TRPM3: variants seen among roughly 807,000 people sequenced by gnomAD.
TRPM3 encodes long transient receptor potential channel 3.
In TRPM3, 77 loss-of-function variants were observed where a neutral mutation model predicts 181.2. That is an observed-to-expected ratio of 0.42 (90% CI 0.35 to 0.51). The LOEUF (loss-of-function observed/expected upper bound fraction) is 0.51, where lower values mean the gene tolerates loss of function less well. Among genes scored for constraint, TRPM3 ranks in the 20% least tolerant of loss-of-function variants. The probability of loss-of-function intolerance (pLI) is 0.01; values close to 1 mark genes in which losing one functional copy is unlikely to be tolerated. For synonymous variants in TRPM3, 745 were observed against 796.4 expected (o/e 0.94, Z 1.09); for missense variants, 1,759 against 2,196.7 (o/e 0.80, Z 3.98).
intron 1 of TRPM3, among the ~76,000 whole-genome samples, chr9:71,421,373 T>TA (rs1042851999): frequency 2.7e-4 from 40 of 150,256 alleles, no homozygotes; most frequent in African/African-American, 7.1e-4. Flanking sequence ...AGTTGAAATT[T>TA]AAAAAAAAAG....
chr9:71,239,243 G>T (rs2081532201), intron 1 of TRPM3, among the ~76,000 whole-genome samples: 1 of 152,110 alleles, frequency 6.6e-6, no homozygotes, highest in African/African-American at 2.4e-5. Context: ...AATTTTTGCT[G>T]TGTTTTGAAA....
intron 1 of TRPM3, among the ~76,000 whole-genome samples, chr9:71,355,622 T>C (rs1440814574): frequency 6.6e-6 from 1 of 152,062 alleles, no homozygotes; most frequent in Non-Finnish European, 1.5e-5. Context: ...AGAGTCCCCC[T>C]GTGGTTATTT....
At chr9:71,259,654 CT>C (rs546209652) in intron 1 of TRPM3, among the ~76,000 whole-genome samples, 58 of 150,740 alleles carry the variant, frequency 3.8e-4, no homozygotes, top group African/African-American at 1.0e-3. Flanking sequence ...GATGATGAGC[CT>C]TTTTTTTTGC....
At chr9:71,003,962 A>T (rs1485268759) in intron 1 of TRPM3, among the ~76,000 whole-genome samples, 2 of 152,060 alleles carry the variant, frequency 1.3e-5, no homozygotes, top group Admixed American at 6.6e-5. Flanking sequence ...ATTTCCTTAG[A>T]CCCATGGTTT....
intron 19 of TRPM3, among the ~76,000 whole-genome samples, chr9:70,610,135 CTG>C (rs34939394): frequency 0.019 from 2,835 of 152,204 alleles, 89 homozygotes; most frequent in African/African-American, 0.064. Flanking sequence ...CACTAGCAGA[CTG>C]TGAGTAGTTA....
intron 1 of TRPM3, among the ~76,000 whole-genome samples, chr9:71,310,355 A>T (rs1297545661): frequency 6.6e-6 from 1 of 152,140 alleles, no homozygotes; most frequent in Non-Finnish European, 1.5e-5. Flanking sequence ...ATGAAGGGTG[A>T]TTTAATTACA....
At chr9:71,257,936 G>A (rs1307529350) in intron 1 of TRPM3, among the ~76,000 whole-genome samples, 2 of 152,110 alleles carry the variant, frequency 1.3e-5, no homozygotes, top group Non-Finnish European at 2.9e-5. Flanking sequence ...GGGAACGGAG[G>A]TATTTGGTCA....
At chr9:71,012,870 T>C (rs2097757021) in intron 1 of TRPM3, among the ~76,000 whole-genome samples, 1 of 152,144 alleles carries the variant, frequency 6.6e-6, no homozygotes, top group Non-Finnish European at 1.5e-5. Context: ...ATTTCTTTAG[T>C]ACATTTGCTC....
At chr9:70,849,146 TTTTG>T (rs1255314560) in intron 3 of TRPM3, among the ~76,000 whole-genome samples, 1 of 152,076 alleles carries the variant, frequency 6.6e-6, no homozygotes, top group Admixed American at 6.6e-5. Context: ...TTGTTATTGT[TTTTG>T]TTTGTTTGTT....
At chr9:70,815,625 C>A (rs530030787) in intron 6 of TRPM3, among the ~76,000 whole-genome samples, 32 of 152,278 alleles carry the variant, frequency 2.1e-4, no homozygotes, top group Admixed American at 1.9e-3. Context: ...TTCCTATGAT[C>A]TTCCTGCGGA....
At chr9:71,150,146 G>T (rs998295663) in intron 1 of TRPM3, among the ~76,000 whole-genome samples, 1 of 151,954 alleles carries the variant, frequency 6.6e-6, no homozygotes, top group Non-Finnish European at 1.5e-5. Context: ...ACAAGAGATT[G>T]TTATTTTTAA....
At chr9:70,869,828 GGCC>G (rs1277089735) in intron 1 of TRPM3, among the ~76,000 whole-genome samples, 1 of 151,906 alleles carries the variant, frequency 6.6e-6, no homozygotes, top group Non-Finnish European at 1.5e-5. Context: ...TATTTGGGGT[GGCC>G]CAATGGAGAG....
At chr9:71,372,785 G>A in intron 1 of TRPM3, among the ~76,000 whole-genome samples, 1 of 152,120 alleles carries the variant, frequency 6.6e-6, no homozygotes, top group East Asian at 1.9e-4. Context: ...GCTGGGTAAA[G>A]GGTCAAGACC....
rs1284090954 is a variant in TRPM3 at position 70,598,409 on chromosome 9, C to T, written c.3048+10G>A. 1 of 1,611,042 alleles carries T rather than the reference C, an allele frequency of 6.2e-7. No individual in the cohort carries two copies. Among genetic ancestry groups the T allele is most frequent in the African/African-American group, 1.3e-5 (1 of 74,868 alleles). On this transcript the variant is annotated intron_variant, in intron 21 of 25. Transcript: ENST00000677713. ...AAACTTATAACATGGAATCAGAAGA[C>T]CCTGCTTACCATTTTTCCAATCATC...
chr9:71,061,932 T>G (rs146957770), intron 1 of TRPM3, among the ~76,000 whole-genome samples: 35 of 152,008 alleles, frequency 2.3e-4, no homozygotes, highest in African/African-American at 8.2e-4. Context: ...CTGACATAGA[T>G]CCTGTGACCC....
At chr9:71,052,808 A>G (rs935306593) in intron 1 of TRPM3, among the ~76,000 whole-genome samples, 1 of 152,070 alleles carries the variant, frequency 6.6e-6, no homozygotes, top group African/African-American at 2.4e-5. Context: ...TCAGTGCACA[A>G]GCAAAGCGTA....
chr9:71,083,855 T>C (rs1239381734), intron 1 of TRPM3, among the ~76,000 whole-genome samples: 2 of 151,830 alleles, frequency 1.3e-5, no homozygotes, highest in African/African-American at 2.4e-5. Context: ...AGTGTGTATA[T>C]ATATCTATAT....
chr9:71,069,847 C>T (rs1188508851), intron 1 of TRPM3, among the ~76,000 whole-genome samples: 2 of 148,112 alleles, frequency 1.4e-5, no homozygotes, highest in Admixed American at 1.3e-4. Flanking sequence ...ACCTCAGGTG[C>T]TCCACCCGCC....
At chr9:71,366,328 T>C (rs1440930069) in intron 1 of TRPM3, among the ~76,000 whole-genome samples, 2 of 152,096 alleles carry the variant, frequency 1.3e-5, no homozygotes, top group Admixed American at 1.3e-4. Context: ...GAATGACACT[T>C]GGTGGGGGTA....
Sources: gnomAD v4.1 joint callset for allele counts (sites outside exome capture counted in the v4.1 genomes callset) on GRCh38, gnomAD v4.1.1 for gene constraint, MANE v1.5 for transcripts, NCBI Gene and HGNC (gene_info 2026-07-23, HGNC 2026-07-21) for gene names.